Variants in FMN1 observed in about 807,000 individuals in gnomAD.
FMN1 encodes formin-1.
In FMN1, 110 loss-of-function variants were observed where a neutral mutation model predicts 132.4. The observed-to-expected ratio is 0.83, with a 90% confidence interval of 0.71 to 0.97. The LOEUF (loss-of-function observed/expected upper bound fraction) is 0.97. Among genes scored for constraint, FMN1 ranks in the 50% least tolerant of loss-of-function variants. The probability of loss-of-function intolerance (pLI) is 0.00; values close to 1 mark genes in which losing one functional copy is unlikely to be tolerated. For synonymous variants in FMN1, 722 were observed against 651.7 expected (o/e 1.11, Z -1.64); for missense variants, 1,792 against 1,705.3 (o/e 1.05, Z -0.90).
intron 7 of FMN1, among the ~76,000 whole-genome samples, chr15:32,987,723 G>A (rs2033159275): frequency 1.3e-5 from 2 of 152,054 alleles, no homozygotes; most frequent in South Asian, 4.1e-4. Context: ...TTTGTCTCAT[G>A]TATTTTTCAG....
intron 6 of FMN1, among the ~76,000 whole-genome samples, chr15:33,025,036 C>CT (rs1344198785): frequency 6.6e-6 from 1 of 152,128 alleles, no homozygotes; most frequent in Non-Finnish European, 1.5e-5. Flanking sequence ...TGTTTTGAGA[C>CT]TTTATACATT....
intron 6 of FMN1, among the ~76,000 whole-genome samples, chr15:33,013,739 C>T (rs1452932092): frequency 6.6e-6 from 1 of 152,088 alleles, no homozygotes; most frequent in African/African-American, 2.4e-5. Context: ...ATGTTGAGTC[C>T]TAACCCATGT....
At chr15:33,173,534 T>C (rs895041095) in intron 3 of FMN1, among the ~76,000 whole-genome samples, 2 of 152,186 alleles carry the variant, frequency 1.3e-5, no homozygotes, top group Non-Finnish European at 2.9e-5. Context: ...GTAACCAGCA[T>C]AGCACCATTT....
chr15:33,119,245 TTACCTTCCTC>T (rs1962321670), intron 4 of FMN1, among the ~76,000 whole-genome samples: 1 of 152,166 alleles, frequency 6.6e-6, no homozygotes, highest in Non-Finnish European at 1.5e-5. Flanking sequence ...GTTTTCAAGC[TTACCTTCCTC>T]TGGGGTTACC....
At position 32,964,168 on chromosome 15, in the gene FMN1, G is replaced by T; in HGVS notation, c.3077C>A (p.Thr1026Lys). 1 of 1,613,006 alleles carries T rather than the reference G, an allele frequency of 6.2e-7. No homozygotes were observed. ...SEFEYLFSKD[T>K]TQQKKKPLSE... ...CAGAGGTTTTTTCTTCTGTTGAGTT[G>T]TGTCTTTGGAGAATAAATACTCAAA... Residue 1026 changes from threonine (T) to lysine (K), a missense_variant, in exon 9 of 21, where the codon ACA becomes AAA. Around this residue, in one of 3 missense-constraint regions of FMN1, gnomAD observed 1,150 missense variants for 1,043.1 expected, o/e 1.10. Coordinates refer to ENST00000616417, the MANE Select transcript of FMN1 (RefSeq NM_001277313.2).
intron 17 of FMN1, among the ~76,000 whole-genome samples, chr15:32,851,374 C>T (rs1304562003): frequency 6.6e-6 from 1 of 152,166 alleles, no homozygotes; most frequent in Non-Finnish European, 1.5e-5. Flanking sequence ...TTGCTCTGTG[C>T]CTTCTTTTAA....
intron 6 of FMN1, among the ~76,000 whole-genome samples, chr15:33,036,684 T>A (rs2036207692): frequency 6.6e-6 from 1 of 152,244 alleles, no homozygotes; most frequent in Non-Finnish European, 1.5e-5. Flanking sequence ...AAAATATGGA[T>A]AATTACCTAC....
At chr15:32,936,035 T>A (rs148509643) in intron 9 of FMN1, among the ~76,000 whole-genome samples, 6 of 152,164 alleles carry the variant, frequency 3.9e-5, no homozygotes, top group African/African-American at 1.4e-4. Flanking sequence ...ACCCCACTAG[T>A]GAGCTTTTAA....
intron 9 of FMN1, among the ~76,000 whole-genome samples, chr15:32,960,620 T>C (rs2030402437): frequency 6.6e-6 from 1 of 152,204 alleles, no homozygotes; most frequent in Non-Finnish European, 1.5e-5. Flanking sequence ...TTTTCCTTTT[T>C]TCCCCTGTAA....
chr15:33,040,664 A>G (rs1392337652), intron 6 of FMN1, among the ~76,000 whole-genome samples: 2 of 152,266 alleles, frequency 1.3e-5, no homozygotes, highest in Non-Finnish European at 2.9e-5. Flanking sequence ...GTCTAAGATT[A>G]CACCACCAGA....
chr15:33,179,766 T>A (rs1330735778), intron 3 of FMN1, among the ~76,000 whole-genome samples: 1 of 152,222 alleles, frequency 6.6e-6, no homozygotes, highest in Admixed American at 6.5e-5. Context: ...AATACAAATA[T>A]TAACAAATAT....
intron 4 of FMN1, among the ~76,000 whole-genome samples, chr15:33,124,265 C>T (rs1364507213): frequency 2.1e-5 from 3 of 145,614 alleles, no homozygotes; most frequent in Non-Finnish European, 2.9e-5. Flanking sequence ...GAAAAAAACA[C>T]ATTGACATTC....
chr15:32,791,774 A>T (rs548996450), intron 19 of FMN1, among the ~76,000 whole-genome samples: 126 of 152,298 alleles, frequency 8.3e-4, no homozygotes, highest in Non-Finnish European at 1.2e-3. Flanking sequence ...GCCTTTTGCT[A>T]ATAGGAGGAG....
rs186537517 is a variant in FMN1, at chr15:32,784,196, G to A, written c.4131-7277C>T. Among the ~76,000 whole-genome samples the A allele has an allele frequency of 4.7e-4, 71 of 152,306 alleles. No individual in the cohort carries two copies. In the East Asian group the frequency reaches 0.011, roughly 24 times the overall value. On this transcript the variant is annotated intron_variant, in intron 19 of 20. Transcript: ENST00000616417. ...GGAAAATCCAATAGTTTGGAGCAGT[G>A]TTTGTAAACTATTTTTCAAAGAGCT...
rs1963428227 is a variant in FMN1, at chr15:33,129,182, A to G, written c.1867+23866T>C. The stretch of plus-strand genomic sequence containing the variant: ...TCAATGTAACTCGGAGAAAACAGCA[A>G]TTAAGTAATACCACAATGCAGTTAG... On this transcript the variant is annotated intron_variant, in intron 4 of 20. Coordinates refer to ENST00000616417, the MANE Select transcript of FMN1 (RefSeq NM_001277313.2). Among the ~76,000 whole-genome samples, 2 of 152,252 alleles carry G rather than the reference A, an allele frequency of 1.3e-5. 1 individual carries two copies. Among genetic ancestry groups the G allele is most frequent in the South Asian group, 4.1e-4 (2 of 4,836 alleles).
chr15:33,025,830 C>G (rs2035638771), intron 6 of FMN1, among the ~76,000 whole-genome samples: 1 of 151,902 alleles, frequency 6.6e-6, no homozygotes, highest in African/African-American at 2.4e-5. Context: ...AGAAGAGAAT[C>G]AGATTCAGAA....
rs79733984 is a variant in FMN1 at position 32,860,266 on chromosome 15, G to A, written c.3836-3159C>T. ...AAGGAAAGAAGGAAGGAAGGGGAAA[G>A]GAAAGAAAGAAAGGAAGAAAGGGAA... is the stretch of plus-strand genomic sequence containing the variant. On this transcript the variant is annotated intron_variant, in intron 16 of 20. Coordinates refer to ENST00000616417, the MANE Select transcript of FMN1 (RefSeq NM_001277313.2). Among the ~76,000 whole-genome samples, 149 of 150,720 alleles carry A rather than the reference G, an allele frequency of 9.9e-4. No homozygotes were observed. The East Asian group carries it at 0.019, about 20-fold the overall frequency.
chr15:32,783,007 G>T (rs202093201), intron 19 of FMN1, among the ~76,000 whole-genome samples: 2 of 146,412 alleles, frequency 1.4e-5, no homozygotes, highest in African/African-American at 5.1e-5. Flanking sequence ...GGAGAGTGGG[G>T]AAGACAGTGA....
chr15:32,998,871 A>G (rs2045023275), intron 7 of FMN1, among the ~76,000 whole-genome samples: 1 of 152,202 alleles, frequency 6.6e-6, no homozygotes, highest in African/African-American at 2.4e-5. Flanking sequence ...GCCTCCTTCT[A>G]TATCTGAATT....
Sources: allele counts gnomAD v4.1 joint callset (sites outside exome capture counted in the v4.1 genomes callset), GRCh38; gene constraint gnomAD v4.1.1; regional missense constraint gnomAD v4.1.1; transcripts MANE v1.5; gene names NCBI Gene and HGNC (gene_info 2026-07-23, HGNC 2026-07-21).